Variants in LRRC37A2 observed in about 807,000 individuals in gnomAD.
LRRC37A2 encodes the protein leucine rich repeat containing 37 member A2.
A neutral mutation model predicts 68.8 loss-of-function variants in LRRC37A2; 9 were observed. That is an observed-to-expected ratio of 0.13 (90% CI 0.08 to 0.23). The LOEUF is 0.23. Ranked by LOEUF, LRRC37A2 falls within the 10% of genes least tolerant of loss-of-function variation. The pLI is 1.00. For synonymous variants in LRRC37A2, 63 were observed against 367.6 expected (o/e 0.17, Z 9.48); for missense variants, 168 against 950.4 (o/e 0.18, Z 10.82).
the LRRC37A2 span, among the ~76,000 whole-genome samples, chr17:46,921,765 A>G: frequency 6.6e-6 from 1 of 152,220 alleles, no homozygotes; most frequent in Non-Finnish European, 1.5e-5. Flanking sequence ...GAGAAATGCA[A>G]ATCAAAACCA....
chr17:46,662,564 TCTC>T, the LRRC37A2 span, among the ~76,000 whole-genome samples: 1 of 111,186 alleles, frequency 9.0e-6, no homozygotes, highest in South Asian at 2.7e-4. Context: ...GCTTGTATCT[TCTC>T]CTACAAGCTC....
the LRRC37A2 span, among the ~76,000 whole-genome samples, chr17:46,774,527 A>G: frequency 6.6e-6 from 1 of 152,212 alleles, no homozygotes; most frequent in Non-Finnish European, 1.5e-5. Context: ...AGAAGTTTCT[A>G]GAGCTCCACC....
At chr17:47,025,293 C>G in the LRRC37A2 span, among the ~76,000 whole-genome samples, 1 of 151,930 alleles carries the variant, frequency 6.6e-6, no homozygotes, top group Non-Finnish European at 1.5e-5. Context: ...CAGATTGTTG[C>G]CTAAAGGAGA....
chr17:47,002,390 T>A, the LRRC37A2 span, among the ~76,000 whole-genome samples: 1 of 146,536 alleles, frequency 6.8e-6, no homozygotes, highest in African/African-American at 2.5e-5. Flanking sequence ...TTATTTTTAT[T>A]TTTTTTTTTT....
the LRRC37A2 span, among the ~76,000 whole-genome samples, chr17:47,048,247 T>C: frequency 6.6e-6 from 1 of 151,196 alleles, no homozygotes. Context: ...AATCTTTACT[T>C]CTTCCTCTGA....
At chr17:46,610,150 G>A in the LRRC37A2 span, among the ~76,000 whole-genome samples, 2 of 81,346 alleles carry the variant, frequency 2.5e-5, no homozygotes, top group Admixed American at 3.1e-4. Flanking sequence ...TCTTTTTGTA[G>A]AGTTTGGGTC....
At chr17:47,036,720 T>A in the LRRC37A2 span, among the ~76,000 whole-genome samples, 20 of 151,102 alleles carry the variant, frequency 1.3e-4, no homozygotes, top group Non-Finnish European at 2.2e-4. Flanking sequence ...CATTCCAGTA[T>A]CACACTGTGA....
At chr17:46,401,262 TCA>T in the LRRC37A2 span, among the ~76,000 whole-genome samples, 1 of 151,014 alleles carries the variant, frequency 6.6e-6, no homozygotes, top group Non-Finnish European at 1.5e-5. Flanking sequence ...AGATATAGTC[TCA>T]GTCTTTGAGA....
At chr17:46,792,140 C>T in the LRRC37A2 span, among the ~76,000 whole-genome samples, 5 of 152,202 alleles carry the variant, frequency 3.3e-5, no homozygotes, top group Non-Finnish European at 5.9e-5. Flanking sequence ...GATGTGTGTT[C>T]GACACAAAAG....
At chr17:46,870,538 C>T in the LRRC37A2 span, among the ~76,000 whole-genome samples, 5 of 152,210 alleles carry the variant, frequency 3.3e-5, no homozygotes, top group Middle Eastern at 3.2e-3. Context: ...AACGGGAGCC[C>T]GATAGCATCT....
chr17:46,666,111 G>C, the LRRC37A2 span, among the ~76,000 whole-genome samples: 2 of 151,260 alleles, frequency 1.3e-5, no homozygotes, highest in African/African-American at 4.9e-5. Context: ...GGCGATGAGA[G>C]TAGTTGCAAT....
the LRRC37A2 span, among the ~76,000 whole-genome samples, chr17:46,991,025 A>C: frequency 6.6e-6 from 1 of 152,132 alleles, no homozygotes; most frequent in Non-Finnish European, 1.5e-5. Flanking sequence ...CACTTCCAGG[A>C]ATTTATCCCA....
At chr17:46,830,950 C>T in the LRRC37A2 span, 15 of 394,708 alleles carry the variant, frequency 3.8e-5, no homozygotes, top group Non-Finnish European at 5.3e-5. Context: ...ACATTCAGAG[C>T]CTTTGCAGGG....
chr17:46,981,866 T>C, the LRRC37A2 span, among the ~76,000 whole-genome samples: 44 of 152,086 alleles, frequency 2.9e-4, 1 homozygote, highest in South Asian at 9.2e-3. Flanking sequence ...CCACCATAAT[T>C]TTTTATTTTA....
At chr17:46,914,575 C>T in the LRRC37A2 span, among the ~76,000 whole-genome samples, 5 of 139,378 alleles carry the variant, frequency 3.6e-5, no homozygotes, top group Non-Finnish European at 7.6e-5. Flanking sequence ...CTCTTGAACC[C>T]GGAAGGCGGA....
At chr17:46,784,821 G>C in the LRRC37A2 span, among the ~76,000 whole-genome samples, 1 of 146,902 alleles carries the variant, frequency 6.8e-6, no homozygotes, top group African/African-American at 2.5e-5. Flanking sequence ...TGTCGCCCAG[G>C]CTGGAGTGCA....
chr17:46,792,143 C>T, the LRRC37A2 span, among the ~76,000 whole-genome samples: 1 of 152,196 alleles, frequency 6.6e-6, no homozygotes, highest in Non-Finnish European at 1.5e-5. Flanking sequence ...GTGTGTTCGA[C>T]ACAAAAGGCA....
the LRRC37A2 span, among the ~76,000 whole-genome samples, chr17:46,909,577 G>A: frequency 7.9e-5 from 12 of 152,184 alleles, no homozygotes; most frequent in African/African-American, 1.4e-4. Context: ...CTCTAGCCAC[G>A]TTTCAAGTAC....
the LRRC37A2 span, among the ~76,000 whole-genome samples, chr17:46,787,517 G>A: frequency 6.6e-6 from 1 of 152,196 alleles, no homozygotes; most frequent in African/African-American, 2.4e-5. Context: ...AGGCAGTGCA[G>A]AGAGCACAGC....
Sources: gnomAD v4.1 joint callset for allele counts (sites outside exome capture counted in the v4.1 genomes callset) on GRCh38, gnomAD v4.1.1 for gene constraint, MANE v1.5 for transcripts, NCBI Gene and HGNC (gene_info 2026-07-23, HGNC 2026-07-21) for gene names.